The following CUBN variants were observed in gnomAD, a reference collection of about 807,000 sequenced individuals.
The protein encoded by CUBN is cubilin, also known as 460 kDa receptor.
A neutral mutation model predicts 405.3 loss-of-function variants in CUBN; 282 were observed. The observed-to-expected ratio is 0.70, with a 90% CI of 0.63 to 0.77. The LOEUF is 0.77. CUBN is among the 30% of genes least tolerant of loss of function. CUBN has a pLI of 0.00. For synonymous variants in CUBN, 1,684 were observed against 1,617.0 expected (o/e 1.04, Z -0.99); for missense variants, 4,514 against 4,475.2 (o/e 1.01, Z -0.25).
chr10:16,827,234 A>G (rs1242506267), intron 66 of CUBN, among the ~76,000 whole-genome samples: 2 of 152,224 alleles, frequency 1.3e-5, no homozygotes, highest in Non-Finnish European at 2.9e-5. Context: ...GTGCAACGGA[A>G]TACTCTCCAA....
rs1554788544 is a variant in CUBN at position 16,889,935 on chromosome 10, C to CAAAAAAAAAAAAAAAAAAAAA, written c.8755+435_8755+436insTTTTTTTTTTTTTTTTTTTTT. On this transcript the variant is annotated intron_variant, in intron 55 of 66. Coordinates refer to ENST00000377833, the MANE Select transcript of CUBN (RefSeq NM_001081.4). ...CTGGCGACAGAGTGAGACGCCGTGT[C>CAAAAAAAAAAAAAAAAAAAAA]AAAAAAAAAAAAAAAAAACAGGAAA... is the stretch of plus-strand genomic sequence containing the variant. 1.6e-3 allele frequency among the ~76,000 whole-genome samples: 31 copies of CAAAAAAAAAAAAAAAAAAAAA among 19,906 alleles called. 6 individuals carry two copies. Among genetic ancestry groups the CAAAAAAAAAAAAAAAAAAAAA allele is most frequent in the African/African-American group, 5.8e-3 (28 of 4,830 alleles). The allele number at this position is 19,906 out of a possible 152,430, so 13.1% of individuals were successfully genotyped here. A position where few individuals can be genotyped will look rare whatever the true frequency, so the allele number is the denominator to read the frequency against.
At chr10:17,124,144 G>A (rs45510601) in intron 4 of CUBN, among the ~76,000 whole-genome samples, 1,914 of 152,226 alleles carry the variant, frequency 0.013, 11 homozygotes, top group Non-Finnish European at 0.019. Context: ...ATAATCATCT[G>A]CTGCTGCTGC....
intron 59 of CUBN, among the ~76,000 whole-genome samples, chr10:16,853,869 G>A (rs149036399): frequency 0.011 from 1,631 of 152,230 alleles, 28 homozygotes; most frequent in African/African-American, 0.036. Context: ...ACAGAAGAAC[G>A]ATGACTGAGG....
At chr10:16,943,895 G>A (rs1842718160) in intron 36 of CUBN, among the ~76,000 whole-genome samples, 1 of 152,192 alleles carries the variant, frequency 6.6e-6, no homozygotes, top group Admixed American at 6.6e-5. Context: ...GGACATGGTG[G>A]TAGGCAAATA....
chr10:16,978,904 T>C (rs1833177923), intron 31 of CUBN, among the ~76,000 whole-genome samples: 1 of 152,210 alleles, frequency 6.6e-6, no homozygotes, highest in Non-Finnish European at 1.5e-5. Flanking sequence ...AAATTGTCTC[T>C]GTTGCAGATG....
chr10:16,900,589 A>G (rs1326517676), intron 53 of CUBN, 36 bp downstream of exon 53: 1 of 1,505,122 alleles, frequency 6.6e-7, no homozygotes, highest in African/African-American at 1.4e-5. Flanking sequence ...ATACATCACT[A>G]AAAAGAAAAT....
At chr10:17,039,815 A>G (rs1357086750) in intron 27 of CUBN, among the ~76,000 whole-genome samples, 1 of 152,202 alleles carries the variant, frequency 6.6e-6, no homozygotes, top group African/African-American at 2.4e-5. Context: ...ATATTTCTGT[A>G]ATATTGTACT....
At chr10:17,039,188 A>C (rs1374226138) in intron 27 of CUBN, among the ~76,000 whole-genome samples, 1 of 152,184 alleles carries the variant, frequency 6.6e-6, no homozygotes, top group Non-Finnish European at 1.5e-5. Flanking sequence ...TGCCCAGCAC[A>C]CTGTTATACG....
intron 56 of CUBN, among the ~76,000 whole-genome samples, chr10:16,885,024 C>G (rs1033323340): frequency 1.3e-5 from 2 of 152,152 alleles, no homozygotes; most frequent in African/African-American, 4.8e-5. Flanking sequence ...TCCTTCAGAG[C>G]AATCCTCGGT....
chr10:16,946,490 C>CTTT (rs775415655), intron 36 of CUBN, among the ~76,000 whole-genome samples: 7 of 121,072 alleles, frequency 5.8e-5, no homozygotes, highest in African/African-American at 9.4e-5. Context: ...AAAACCATTC[C>CTTT]TTTTTTTTTT....
chr10:17,009,559 G>A (rs1418550627), intron 28 of CUBN, among the ~76,000 whole-genome samples: 1 of 152,214 alleles, frequency 6.6e-6, no homozygotes, highest in East Asian at 1.9e-4. Context: ...GGGAGAGGAA[G>A]CAGCCACTTA....
At chr10:16,888,337 T>A in intron 56 of CUBN, 80 bp downstream of exon 56, 3 of 1,119,398 alleles carry the variant, frequency 2.7e-6, no homozygotes, top group Non-Finnish European at 4.0e-6. Context: ...CATGTACATA[T>A]GTCAAAACAT....
chr10:16,912,700 G>A (rs7084914), intron 48 of CUBN, among the ~76,000 whole-genome samples: 6,405 of 152,210 alleles, frequency 0.042, 446 homozygotes, highest in African/African-American at 0.14. Context: ...TTCAGGGAAC[G>A]GAATGGAGGC....
chr10:17,105,508 C>T lies in CUBN; in HGVS notation c.1179G>A (p.Val393=). The change falls in exon 11 of 67, where the codon GTG becomes GTA. Residue 393 remains valine (V), a synonymous_variant. Coordinates refer to ENST00000377833, the MANE Select transcript of CUBN (RefSeq NM_001081.4). ...TGNGYGPNGC[V]QLSNICLSHP... The stretch of plus-strand genomic sequence containing the variant: ...GACTTAGGCAAATATTACTGAGCTG[C>T]ACACATCCATTTGGCCCATAACCAT... 4 of 1,612,108 alleles carry T rather than the reference C, an allele frequency of 2.5e-6. No homozygotes were observed. The highest frequency in any genetic ancestry group is 3.4e-6 in the Non-Finnish European group (4 of 1,178,122).
At chr10:16,899,911 T>C (rs1588631390) in intron 53 of CUBN, among the ~76,000 whole-genome samples, 1 of 152,214 alleles carries the variant, frequency 6.6e-6, no homozygotes, top group East Asian at 1.9e-4. Flanking sequence ...GAAATAATTG[T>C]CTTGTGTGAT....
chr10:16,864,668 T>C (rs554537352), intron 59 of CUBN, among the ~76,000 whole-genome samples: 1 of 142,608 alleles, frequency 7.0e-6, no homozygotes, highest in Non-Finnish European at 1.5e-5. Context: ...TTTTTTTTTT[T>C]TTTTTTTAGA....
intron 28 of CUBN, among the ~76,000 whole-genome samples, chr10:16,993,508 C>T (rs1833651490): frequency 6.6e-6 from 1 of 152,018 alleles, no homozygotes; most frequent in Non-Finnish European, 1.5e-5. Context: ...AAAAAAATTA[C>T]AGTATAGTTA....
rs113317804 is a variant in CUBN at position 17,106,597 on chromosome 10, CAA to C, written c.1112-1024_1112-1023del. ...TGGGAGACAGAGCAAAACGCCATCT[CAA>C]AAAAAAAAAAAAAAAGCCCTATATA... On this transcript the variant is annotated intron_variant, in intron 10 of 66. Transcript: ENST00000377833. Among the ~76,000 whole-genome samples, 394 of 111,088 alleles carry C rather than the reference CAA, an allele frequency of 3.5e-3. 1 individual carries two copies. Among genetic ancestry groups the C allele is most frequent in the Non-Finnish European group, 5.0e-3 (272 of 54,266 alleles). The allele number at this position is 111,088 out of a possible 152,430, so 72.9% of individuals were successfully genotyped here. A position where few individuals can be genotyped will look rare whatever the true frequency, so the allele number is the denominator to read the frequency against.
Position 17,071,515 on chromosome 10 carries a change from T to C in CUBN, c.2536A>G (p.Ile846Val), listed in dbSNP as rs775423928. The change falls in exon 19 of 67, where the codon ATC becomes GTC. Residue 846 changes from isoleucine (I) to valine (V), a missense_variant. Physicochemically the swap from Ile to Val is conservative, Grantham distance 29 (BLOSUM62 3). Around this residue, in one of 5 missense-constraint regions of CUBN, gnomAD observed 1,448 missense variants for 1,388.0 expected, o/e 1.04. Transcript: ENST00000377833. ...YPGERTCRWT[I>V]HQPQSQVILL... is the part of the protein sequence containing the mutation. ...ATGACTTGGCTTTGGGGCTGGTGGA[T>C]GGTCCACCTACAGGTTCTTTCTCCA... 5.0e-6 allele frequency: 8 copies of C among 1,613,804 alleles called. No homozygotes were observed. Among genetic ancestry groups the C allele is most frequent in the Non-Finnish European group, 6.8e-6 (8 of 1,179,878 alleles).
Sources: allele counts gnomAD v4.1 joint callset (sites outside exome capture counted in the v4.1 genomes callset), GRCh38; gene constraint gnomAD v4.1.1; regional missense constraint gnomAD v4.1.1; transcripts MANE v1.5; gene names NCBI Gene and HGNC (gene_info 2026-07-23, HGNC 2026-07-21).